Variants in GLIS3 observed in about 807,000 individuals in gnomAD.
GLIS3 encodes the protein GLIS family zinc finger 3.
A neutral mutation model predicts 78.6 loss-of-function variants in GLIS3; 53 were observed. The observed-to-expected ratio is 0.67, with a 90% confidence interval of 0.54 to 0.85. The LOEUF is 0.85. GLIS3 is among the 40% of genes least tolerant of loss of function. GLIS3 has a pLI of 0.00. For synonymous variants in GLIS3, 684 were observed against 509.9 expected, an observed-to-expected ratio of 1.34 and a Z score of -4.60; for missense variants, 1,703 against 1,231.1, an observed-to-expected ratio of 1.38 and a Z score of -5.74.
chr9:4,264,799 G>C (rs529828388), intron 2 of GLIS3, among the ~76,000 whole-genome samples: 1 of 152,100 alleles, frequency 6.6e-6, no homozygotes, highest in South Asian at 2.1e-4. Context: ...ACTTTCATTA[G>C]AACATAAGGT....
chr9:4,327,742 C>T (rs1817623465), intron 2 of GLIS3, among the ~76,000 whole-genome samples: 2 of 152,190 alleles, frequency 1.3e-5, no homozygotes, highest in African/African-American at 4.8e-5. Context: ...TTTGCACAAG[C>T]AACAGCCTGT....
chr9:3,912,573 A>C (rs1351330182), intron 6 of GLIS3, among the ~76,000 whole-genome samples: 1 of 152,202 alleles, frequency 6.6e-6, no homozygotes, highest in Non-Finnish European at 1.5e-5. Context: ...AAGGCATGCA[A>C]CTTGTAATTT....
At chr9:4,050,900 A>C (rs1825705642) in intron 4 of GLIS3, among the ~76,000 whole-genome samples, 2 of 152,128 alleles carry the variant, frequency 1.3e-5, no homozygotes, top group South Asian at 4.1e-4. Flanking sequence ...GAAATCCTAA[A>C]CCTGATAGTC....
intron 9 of GLIS3, among the ~76,000 whole-genome samples, chr9:3,850,316 C>G (rs541504398): frequency 2.6e-4 from 40 of 152,294 alleles, no homozygotes; most frequent in Non-Finnish European, 5.3e-4. Flanking sequence ...GGGAGGGAGC[C>G]CCCTGGGACT....
intron 4 of GLIS3, among the ~76,000 whole-genome samples, chr9:4,092,212 C>T (rs923979858): frequency 6.8e-6 from 1 of 147,854 alleles, no homozygotes; most frequent in African/African-American, 2.5e-5. Flanking sequence ...AGTGGAGTGG[C>T]GCAGTCTCGG....
intron 4 of GLIS3, among the ~76,000 whole-genome samples, chr9:3,949,167 GCTCT>G (rs936212039): frequency 3.3e-5 from 5 of 152,130 alleles, no homozygotes; most frequent in African/African-American, 1.2e-4. Context: ...GAATCCAGTT[GCTCT>G]CTTTCTTTTT....
At chr9:4,301,262 G>T (rs1352167161), upstream of GLIS3, among the ~76,000 whole-genome samples, 1 of 152,200 alleles carries the variant, frequency 6.6e-6, no homozygotes, top group African/African-American at 2.4e-5. Context: ...ATGAAAAATA[G>T]TAAGAGGTCA....
chr9:4,386,969 CTCTG>C, the GLIS3 span, among the ~76,000 whole-genome samples: 1 of 152,216 alleles, frequency 6.6e-6, no homozygotes, highest in Non-Finnish European at 1.5e-5. Context: ...TCTCACCCTA[CTCTG>C]TCTATTGGTG....
At chr9:3,998,191 C>T (rs1820874909) in intron 4 of GLIS3, among the ~76,000 whole-genome samples, 1 of 152,104 alleles carries the variant, frequency 6.6e-6, no homozygotes, top group Admixed American at 6.6e-5. Context: ...TAGTCTTTCC[C>T]TAATCCAGAT....
At chr9:4,365,168 A>G in the GLIS3 span, among the ~76,000 whole-genome samples, 1 of 152,140 alleles carries the variant, frequency 6.6e-6, no homozygotes, top group African/African-American at 2.4e-5. Context: ...GCGAAGTGTT[A>G]TGTGTGGGTG....
upstream of GLIS3, among the ~76,000 whole-genome samples, chr9:4,349,242 G>A (rs1817931799): frequency 1.3e-5 from 2 of 152,106 alleles, no homozygotes; most frequent in Admixed American, 6.5e-5. Flanking sequence ...CAGTGGCACT[G>A]GTATGCACAC....
chr9:4,437,074 G>A, the GLIS3 span, among the ~76,000 whole-genome samples: 21 of 152,224 alleles, frequency 1.4e-4, 1 homozygote, highest in East Asian at 1.7e-3. Context: ...ACAGCATCAG[G>A]GTATGAGGAA....
At chr9:4,356,903 A>C in the GLIS3 span, among the ~76,000 whole-genome samples, 1 of 152,256 alleles carries the variant, frequency 6.6e-6, no homozygotes, top group African/African-American at 2.4e-5. Context: ...GCATTATACC[A>C]GGAGCTGGAA....
chr9:4,209,644 G>T (rs1820211308), intron 2 of GLIS3, among the ~76,000 whole-genome samples: 1 of 152,250 alleles, frequency 6.6e-6, no homozygotes, highest in South Asian at 2.1e-4. Flanking sequence ...GAGGCTCACT[G>T]CTAGAGCCTT....
At position 3,926,227 on chromosome 9, in the gene GLIS3, T is replaced by G. The variant is rs1218389732; in HGVS notation, c.1983+6133A>C. ...GTATTGCGACTAAAGCAATGCTTTTTCTTTTGTTTTTTTTTTTTTCTTTGA... is the reference window on the plus strand; with the variant it reads ...GTATTGCGACTAAAGCAATGCTTTTGCTTTTGTTTTTTTTTTTTTCTTTGA... On this transcript the variant is annotated intron_variant, in intron 6 of 10. Coordinates refer to ENST00000381971, the MANE Select transcript of GLIS3 (RefSeq NM_001042413.2). Among the ~76,000 whole-genome samples the G allele has an allele frequency of 7.5e-5, 10 of 134,184 alleles. No individual in the cohort carries two copies. The East Asian group carries it at 2.1e-3, about 28-fold the overall frequency. The allele number at this position is 134,184 out of a possible 152,430, so 88.0% of individuals were successfully genotyped here.
intron 2 of GLIS3, among the ~76,000 whole-genome samples, chr9:4,239,553 C>A (rs562248092): frequency 6.1e-4 from 93 of 152,294 alleles, no homozygotes; most frequent in Non-Finnish European, 8.2e-4. Flanking sequence ...TCATTGAGAT[C>A]TTGGTATCAA....
intron 4 of GLIS3, among the ~76,000 whole-genome samples, chr9:3,953,453 T>C (rs1563885917): frequency 1.3e-5 from 2 of 152,214 alleles, no homozygotes; most frequent in African/African-American, 2.4e-5. Context: ...TGGATATTGA[T>C]ATTTTGATCT....
chr9:4,113,076 C>T (rs1380897314), intron 4 of GLIS3, among the ~76,000 whole-genome samples: 1 of 151,926 alleles, frequency 6.6e-6, no homozygotes, highest in Admixed American at 6.6e-5. Context: ...TTTAAATATA[C>T]ATAAATTGTA....
chr9:4,229,182 T>C (rs915740271), intron 2 of GLIS3, among the ~76,000 whole-genome samples: 11 of 152,198 alleles, frequency 7.2e-5, no homozygotes, highest in African/African-American at 2.4e-4. Context: ...AACAGCAACA[T>C]TGGCCATCTC....
Sources: gnomAD v4.1 joint callset for allele counts (sites outside exome capture counted in the v4.1 genomes callset) on GRCh38, gnomAD v4.1.1 for gene constraint, MANE v1.5 for transcripts, NCBI Gene and HGNC (gene_info 2026-07-23, HGNC 2026-07-21) for gene names.